The following SYNPR variants were observed in gnomAD, a reference collection of about 807,000 sequenced individuals.
SYNPR encodes the protein synaptoporin.
A neutral mutation model predicts 32.9 loss-of-function variants in SYNPR; 23 were observed. The ratio of observed to expected loss-of-function variants is 0.70; its 90% CI spans 0.50 to 0.99. The LOEUF is 0.99. Among genes scored for constraint, SYNPR ranks in the 50% least tolerant of loss-of-function variants. SYNPR has a pLI of 0.00. For synonymous variants in SYNPR, 146 were observed against 135.9 expected, an observed-to-expected ratio of 1.07 and a Z score of -0.52; for missense variants, 318 against 349.3, an observed-to-expected ratio of 0.91 and a Z score of 0.71.
At chr3:63,292,326 A>G (rs899053367) in intron 2 of SYNPR, among the ~76,000 whole-genome samples, 3 of 152,220 alleles carry the variant, frequency 2.0e-5, no homozygotes, top group Non-Finnish European at 2.9e-5. Context: ...TAGCATATCC[A>G]TCACCTCAAA....
chr3:63,452,218 T>A, intron 2 of SYNPR: 1 of 593,362 alleles, frequency 1.7e-6, no homozygotes. Context: ...CGGGTTAAGA[T>A]TTGGGATACG....
chr3:63,212,215 G>C, the SYNPR span, among the ~76,000 whole-genome samples: 3 of 38,924 alleles, frequency 7.7e-5, no homozygotes, highest in East Asian at 6.7e-4. Context: ...AGTCCTTTGG[G>C]TATATACCCA....
At chr3:63,368,733 T>C (rs945949975) in intron 2 of SYNPR, among the ~76,000 whole-genome samples, 11 of 152,120 alleles carry the variant, frequency 7.2e-5, no homozygotes, top group African/African-American at 1.7e-4. Context: ...CCAGGAAAGA[T>C]AGAATGAAAA....
At chr3:63,560,586 A>C (rs2106833116) in intron 4 of SYNPR, among the ~76,000 whole-genome samples, 1 of 152,354 alleles carries the variant, frequency 6.6e-6, no homozygotes, top group Admixed American at 6.5e-5. Flanking sequence ...ACTGCTTTAA[A>C]GAATGGCCTG....
At chr3:63,431,769 T>C (rs549832596) in intron 2 of SYNPR, among the ~76,000 whole-genome samples, 19 of 150,140 alleles carry the variant, frequency 1.3e-4, no homozygotes, top group Non-Finnish European at 2.4e-4. Context: ...CACTGAGAAG[T>C]ACAGCCAGAA....
intron 3 of SYNPR, among the ~76,000 whole-genome samples, chr3:63,486,844 A>C (rs1701164671): frequency 6.6e-6 from 1 of 152,146 alleles, no homozygotes; most frequent in South Asian, 2.1e-4. Flanking sequence ...AAAGAATCTT[A>C]GTATATATGG....
intron 3 of SYNPR, among the ~76,000 whole-genome samples, chr3:63,524,854 T>TGTGTGC (rs1553643533): frequency 1.4e-3 from 102 of 74,386 alleles, no homozygotes; most frequent in African/African-American, 5.0e-3. Flanking sequence ...TGTGTGTGCA[T>TGTGTGC]GTGTGTGTGT....
intron 4 of SYNPR, among the ~76,000 whole-genome samples, chr3:63,572,674 G>A (rs1352357090): frequency 6.6e-6 from 1 of 152,158 alleles, no homozygotes; most frequent in Non-Finnish European, 1.5e-5. Context: ...TTGAACAACA[G>A]CTAAGTAGAA....
At chr3:63,491,400 G>A (rs762046283) in intron 3 of SYNPR, among the ~76,000 whole-genome samples, 1 of 152,128 alleles carries the variant, frequency 6.6e-6, no homozygotes, top group Non-Finnish European at 1.5e-5. Flanking sequence ...ACACCCCTAA[G>A]GGTAGAGCAA....
intron 4 of SYNPR, among the ~76,000 whole-genome samples, chr3:63,567,727 C>A (rs1702816075): frequency 6.6e-6 from 1 of 152,150 alleles, no homozygotes; most frequent in Non-Finnish European, 1.5e-5. Context: ...GCCCTGGGAA[C>A]AGGTAGGAAG....
chr3:63,406,199 C>T (rs1476838504), intron 2 of SYNPR, among the ~76,000 whole-genome samples: 1 of 149,066 alleles, frequency 6.7e-6, no homozygotes, highest in Admixed American at 6.6e-5. Context: ...GTTTAGAATG[C>T]AGCTTTAAAA....
intron 3 of SYNPR, among the ~76,000 whole-genome samples, chr3:63,486,950 T>C (rs1701167634): frequency 6.6e-6 from 1 of 152,176 alleles, no homozygotes; most frequent in South Asian, 2.1e-4. Context: ...TTGGAGGTGC[T>C]GCATGGGGCC....
At chr3:63,246,180 C>T (rs1347953698) in intron 1 of SYNPR, among the ~76,000 whole-genome samples, 1 of 152,054 alleles carries the variant, frequency 6.6e-6, no homozygotes, top group Non-Finnish European at 1.5e-5. Context: ...AATGTATCCC[C>T]TTGCATGCTT....
chr3:63,531,089 T>C (rs572067680), intron 3 of SYNPR, among the ~76,000 whole-genome samples: 1 of 152,114 alleles, frequency 6.6e-6, no homozygotes, highest in South Asian at 2.1e-4. Context: ...GCCCAAAGCT[T>C]AAGGTGTGGT....
At chr3:63,475,414 A>C (rs773382560) in intron 2 of SYNPR, among the ~76,000 whole-genome samples, 1 of 152,192 alleles carries the variant, frequency 6.6e-6, no homozygotes, top group Non-Finnish European at 1.5e-5. Context: ...GAGGAGTATC[A>C]GGAGCTTAAG....
At chr3:63,614,783 C>A (rs962687756) in intron 5 of SYNPR, among the ~76,000 whole-genome samples, 1 of 152,146 alleles carries the variant, frequency 6.6e-6, no homozygotes. Context: ...AAATTCTCAA[C>A]CCTGTGCCAT....
At chr3:63,452,367 T>C in intron 2 of SYNPR, among the ~76,000 whole-genome samples, 1 of 152,210 alleles carries the variant, frequency 6.6e-6, no homozygotes, top group African/African-American at 2.4e-5. Context: ...TCTTGGGTAC[T>C]AATTATGTGA....
intron 2 of SYNPR, among the ~76,000 whole-genome samples, chr3:63,344,571 T>C (rs796161083): frequency 6.7e-6 from 1 of 150,014 alleles, no homozygotes; most frequent in African/African-American, 2.5e-5. Context: ...TTTTTTTTTT[T>C]ACAGATTAAT....
chr3:63,595,853 ATATATAGT>A (rs1699947524), intron 4 of SYNPR, among the ~76,000 whole-genome samples: 1 of 83,316 alleles, frequency 1.2e-5, no homozygotes, highest in African/African-American at 4.5e-5. Context: ...AGTTTTATAT[ATATATAGT>A]TATATATATA....
Sources: allele counts gnomAD v4.1 joint callset (sites outside exome capture counted in the v4.1 genomes callset), GRCh38; gene constraint gnomAD v4.1.1; transcripts MANE v1.5; gene names NCBI Gene and HGNC (gene_info 2026-07-23, HGNC 2026-07-21).